MBTPS2: variants seen among roughly 807,000 people sequenced by gnomAD.
The protein encoded by MBTPS2 is membrane bound transcription factor peptidase, site 2.
MBTPS2 carries 2 observed loss-of-function variants against 35.4 expected under a neutral mutation model. That is an observed-to-expected ratio of 0.06 (90% CI 0.02 to 0.18). The LOEUF is 0.18. Ranked by LOEUF, MBTPS2 falls within the 10% of genes least tolerant of loss-of-function variation. MBTPS2 has a pLI of 1.00. For missense variants in MBTPS2, 244 were observed against 386.5 expected, an observed-to-expected ratio of 0.63 and a Z score of 3.09; for synonymous variants, 125 against 140.4, an observed-to-expected ratio of 0.89 and a Z score of 0.77.
chrX:21,861,828 A>G (rs186227322), intron 5 of MBTPS2, among the ~76,000 whole-genome samples: 1 of 103,368 alleles, frequency 9.7e-6, no homozygotes. Context: ...CCTAGACCAT[A>G]CTTTGTCTGG....
intron 1 of MBTPS2, 83 bp downstream of exon 1, chrX:21,839,892 G>C: frequency 1.1e-6 from 1 of 951,252 alleles, no homozygotes; most frequent in Non-Finnish European, 1.5e-6. Context: ...CCTGCCTGGC[G>C]CCTCCCGGGC....
At chrX:21,851,032 G>C (rs1474031440) in intron 3 of MBTPS2, among the ~76,000 whole-genome samples, 1 of 111,589 alleles carries the variant, frequency 9.0e-6, no homozygotes. Context: ...TAATAATATG[G>C]AGTTCCTATA....
At position 21,857,052 on chromosome X, in the gene MBTPS2, C is replaced by T. The variant is rs149623712; in HGVS notation, c.670+3549C>T. 110 of 1,209,895 alleles carry T rather than the reference C, an allele frequency of 9.1e-5. 1 individual carries two copies. The African/African-American group carries it at 1.5e-3, about 17-fold the overall frequency. ...TGAGTTTTCCGTGACTATGTGGTCCCCTAACGATAACAATGACCAAGGGGC... is the reference window on the plus strand; with the variant it reads ...TGAGTTTTCCGTGACTATGTGGTCCTCTAACGATAACAATGACCAAGGGGC... On this transcript the variant is annotated intron_variant, in intron 5 of 10. Coordinates refer to ENST00000379484, the MANE Select transcript of MBTPS2 (RefSeq NM_015884.4).
chrX:21,855,666 A>G (rs2147436093), intron 5 of MBTPS2, among the ~76,000 whole-genome samples: 1 of 110,845 alleles, frequency 9.0e-6, no homozygotes, highest in South Asian at 3.9e-4. Context: ...TCCTGACCTC[A>G]AGTGACCCTC....
chrX:21,844,904 G>A (rs1602137475), intron 2 of MBTPS2, among the ~76,000 whole-genome samples: 1 of 112,295 alleles, frequency 8.9e-6, no homozygotes, highest in Admixed American at 9.4e-5. Flanking sequence ...TTATGTAAAT[G>A]AGCAAGTGCA....
intron 5 of MBTPS2, among the ~76,000 whole-genome samples, chrX:21,865,732 A>G (rs1270737399): frequency 8.9e-6 from 1 of 112,450 alleles, no homozygotes; most frequent in Non-Finnish European, 1.9e-5. Flanking sequence ...TATTTTACCT[A>G]TTCAGTCATC....
intron 4 of MBTPS2, among the ~76,000 whole-genome samples, chrX:21,853,001 GTTC>G (rs1456207122): frequency 2.7e-5 from 3 of 110,626 alleles, no homozygotes; most frequent in African/African-American, 9.8e-5. Flanking sequence ...CGTCTCCTAT[GTTC>G]TTCTCTGAAA....
chrX:21,883,014 ACTT>A lies in MBTPS2; in HGVS notation c.*363_*365del. 1 of 832,959 alleles carries A rather than the reference ACTT, an allele frequency of 1.2e-6. No homozygotes were observed. Among genetic ancestry groups the A allele is most frequent in the East Asian group, 8.1e-5 (1 of 12,338 alleles). 68.6% of individuals were successfully genotyped at this position (832,959 alleles called of 1,213,427 possible). ...AACTGGGTGGAATTAATTGGGAAAA[ACTT>A]CTTACAAAAGCATCATTAATCAAAA... On this transcript the variant is annotated 3_prime_UTR_variant, in exon 11 of 11. Transcript: ENST00000379484.
intron 7 of MBTPS2, 36 bp from the exon 8 acceptor site, chrX:21,878,006 A>G: frequency 3.3e-6 from 3 of 911,270 alleles, no homozygotes; most frequent in Middle Eastern, 2.7e-4. Context: ...GTATTTTTAT[A>G]TAAGAGACTC....
At chrX:21,855,534 C>T (rs890494582) in intron 5 of MBTPS2, among the ~76,000 whole-genome samples, 2 of 109,634 alleles carry the variant, frequency 1.8e-5, no homozygotes, top group African/African-American at 6.6e-5. Context: ...CAGGTTGAAG[C>T]GATTCTCCTG....
chrX:21,855,699 T>C (rs2092919982), intron 5 of MBTPS2, among the ~76,000 whole-genome samples: 1 of 110,820 alleles, frequency 9.0e-6, no homozygotes, highest in Non-Finnish European at 1.9e-5. Flanking sequence ...CCCAAAGTGC[T>C]GGGATTACAG....
At chrX:21,846,336 C>A (rs779519160) in intron 3 of MBTPS2, among the ~76,000 whole-genome samples, 1 of 111,882 alleles carries the variant, frequency 8.9e-6, no homozygotes, top group South Asian at 3.8e-4. Context: ...GATCTTACAG[C>A]CTATAGACAT....
intron 3 of MBTPS2, 79 bp downstream of exon 3, chrX:21,845,463 TC>T: frequency 1.1e-6 from 1 of 893,360 alleles, no homozygotes; most frequent in Non-Finnish European, 1.5e-6. Context: ...GTAACTCCTA[TC>T]CATAATATAA....
In MBTPS2 at chrX:21,878,020, TAAAC is replaced by T. The variant is rs766838049; in HGVS notation, c.971-20_971-17del. 9.7e-7 allele frequency: 1 copy of T among 1,030,280 alleles called. No homozygotes were observed. Among genetic ancestry groups the T allele is most frequent in the African/African-American group, 1.9e-5 (1 of 53,858 alleles). The allele number at this position is 1,030,280 out of a possible 1,213,427, so 84.9% of individuals were successfully genotyped here. A position where few individuals can be genotyped will look rare whatever the true frequency, so the allele number is the denominator to read the frequency against. On this transcript the variant is annotated intron_variant, in intron 7 of 10. Transcript: ENST00000379484. Reference sequence around the variant, plus strand: ...TGTATTTTTATATAAGAGACTCTAATAAACAGTGTATTTCTCTTTAGCATACAAA... The same window carrying T: ...TGTATTTTTATATAAGAGACTCTAATAGTGTATTTCTCTTTAGCATACAAA...
At chrX:21,867,519 C>T (rs142033473) in intron 5 of MBTPS2, among the ~76,000 whole-genome samples, 6,010 of 109,207 alleles carry the variant, frequency 0.055, 142 homozygotes, top group African/African-American at 0.094. Flanking sequence ...ATGTTAGGGG[C>T]GAGAAAGTCT....
intron 5 of MBTPS2, among the ~76,000 whole-genome samples, chrX:21,865,353 T>A (rs1037849470): frequency 8.9e-6 from 1 of 111,767 alleles, no homozygotes; most frequent in Non-Finnish European, 1.9e-5. Flanking sequence ...GTGTATAGAA[T>A]TTTTAGAAGA....
intron 5 of MBTPS2, 77 bp from the exon 6 acceptor site, chrX:21,868,390 C>T (rs2092943158): frequency 3.2e-6 from 2 of 634,849 alleles, no homozygotes; most frequent in African/African-American, 4.4e-5. Context: ...TCAGAATGCC[C>T]AAGTGTTGTG....
chrX:21,873,474 C>T (rs1179339000), intron 7 of MBTPS2, among the ~76,000 whole-genome samples: 4 of 112,026 alleles, frequency 3.6e-5, no homozygotes, highest in Non-Finnish European at 7.5e-5. Context: ...GAGGGAGGCA[C>T]TCCTTATTTC....
chrX:21,873,977 CTGTGTGTGTGTG>C (rs1208053273), intron 7 of MBTPS2, among the ~76,000 whole-genome samples: 1 of 79,876 alleles, frequency 1.3e-5, no homozygotes, highest in Non-Finnish European at 2.3e-5. Flanking sequence ...ATGTGTGTGT[CTGTGTGTGTGTG>C]TGTGTGTGTG....
Sources: allele counts gnomAD v4.1 joint callset (sites outside exome capture counted in the v4.1 genomes callset), GRCh38; gene constraint gnomAD v4.1.1; transcripts MANE v1.5; gene names NCBI Gene and HGNC (gene_info 2026-07-23, HGNC 2026-07-21).